Variants in ATP8A2 observed in about 807,000 individuals in gnomAD.
The protein encoded by ATP8A2 is phospholipid-transporting ATPase IB.
ATP8A2 carries 100 observed loss-of-function variants against 165.6 expected under a neutral mutation model. That is an observed-to-expected ratio of 0.60 (90% CI 0.51 to 0.71). The LOEUF is 0.71. Among genes scored for constraint, ATP8A2 ranks in the 30% least tolerant of loss-of-function variants. The pLI is 0.00. For synonymous variants in ATP8A2, 543 were observed against 548.8 expected, an observed-to-expected ratio of 0.99 and a Z score of 0.15; for missense variants, 1,227 against 1,479.5, an observed-to-expected ratio of 0.83 and a Z score of 2.80.
chr13:25,906,442 AG>A (rs1272699892), intron 33 of ATP8A2, among the ~76,000 whole-genome samples: 1 of 152,050 alleles, frequency 6.6e-6, no homozygotes, highest in Non-Finnish European at 1.5e-5. Flanking sequence ...CCAGTCTTCA[AG>A]GGTTTCCACA....
intron 24 of ATP8A2, among the ~76,000 whole-genome samples, chr13:25,654,482 C>T (rs566403942): frequency 1.7e-4 from 26 of 152,316 alleles, no homozygotes; most frequent in African/African-American, 6.0e-4. Context: ...GCTAGGATTA[C>T]AGGCGTGAGC....
At chr13:25,559,135 G>T in intron 14 of ATP8A2, 74 bp downstream of exon 14, 1 of 1,019,190 alleles carries the variant, frequency 9.8e-7, no homozygotes, top group Non-Finnish European at 1.5e-6. Flanking sequence ...TAGCTACTTA[G>T]TCAAATATCT....
At chr13:25,600,301 C>T (rs749190594) in intron 24 of ATP8A2, among the ~76,000 whole-genome samples, 33 of 152,168 alleles carry the variant, frequency 2.2e-4, no homozygotes, top group Non-Finnish European at 4.4e-4. Flanking sequence ...TTTGGAGTCT[C>T]TCATTCTCTC....
In ATP8A2 at chr13:25,465,663, T is replaced by TTTTCTTTC. The variant is rs1174243477; in HGVS notation, c.77-3245_77-3238dup. Among the ~76,000 whole-genome samples the TTTTCTTTC allele has an allele frequency of 2.0e-3, 174 of 86,440 alleles. 19 individuals carry two copies. The highest frequency in any genetic ancestry group is 3.7e-3 in the South Asian group (8 of 2,148). The allele number at this position is 86,440 out of a possible 152,430, so 56.7% of individuals were successfully genotyped here. A position where few individuals can be genotyped will look rare whatever the true frequency, so the allele number is the denominator to read the frequency against. On this transcript the variant is annotated intron_variant, in intron 1 of 36. Coordinates refer to ENST00000381655, the MANE Select transcript of ATP8A2 (RefSeq NM_016529.6). ...TCACCTCCCCAGAAATCTTGCAGAG[T>TTTTCTTTC]TTTCTTTCTTTCTTTCTTTCTTTCT...
At chr13:25,416,562 C>G (rs2034137933) in intron 1 of ATP8A2, among the ~76,000 whole-genome samples, 1 of 152,304 alleles carries the variant, frequency 6.6e-6, no homozygotes, top group South Asian at 2.1e-4. Flanking sequence ...CAAGTGCAGA[C>G]AGTTTGCATT....
chr13:25,758,070 C>A (rs547378397), intron 25 of ATP8A2, among the ~76,000 whole-genome samples: 3 of 152,308 alleles, frequency 2.0e-5, no homozygotes, highest in African/African-American at 7.2e-5. Flanking sequence ...TGGCTGTCCT[C>A]ATGTTAATTT....
chr13:25,416,328 A>T (rs899132554), intron 1 of ATP8A2, among the ~76,000 whole-genome samples: 14 of 152,232 alleles, frequency 9.2e-5, no homozygotes, highest in African/African-American at 3.4e-4. Context: ...GTTAAAACCC[A>T]TAAAACTGAA....
At chr13:25,679,163 G>A (rs1249062261) in intron 24 of ATP8A2, among the ~76,000 whole-genome samples, 1 of 152,188 alleles carries the variant, frequency 6.6e-6, no homozygotes, top group East Asian at 1.9e-4. Context: ...GGTTTGAATG[G>A]TTGAGAGAAT....
rs541248100 is a variant in ATP8A2 at position 25,913,555 on chromosome 13, A to G, written c.3184-48020A>G. 8.6e-4 allele frequency among the ~76,000 whole-genome samples: 131 copies of G among 152,252 alleles called. 1 individual carries two copies. The highest frequency in any genetic ancestry group is 3.0e-3 in the African/African-American group (126 of 41,568). ...TCACAAAGAAAAAGGTCTGATTTAT[A>G]CACCAGAGCGTGGGGTTCATGCCAC... On this transcript the variant is annotated intron_variant, in intron 33 of 36. Coordinates refer to ENST00000381655, the MANE Select transcript of ATP8A2 (RefSeq NM_016529.6).
chr13:26,016,593 C>T (rs1956980759), intron 36 of ATP8A2, among the ~76,000 whole-genome samples: 2 of 152,176 alleles, frequency 1.3e-5, no homozygotes, highest in African/African-American at 4.8e-5. Flanking sequence ...ATTCCAAAGG[C>T]TAAGATACCT....
rs552292470 is a variant in ATP8A2 at position 25,929,374 on chromosome 13, C to T, written c.3184-32201C>T. Among the ~76,000 whole-genome samples the T allele has an allele frequency of 1.4e-3, 206 of 152,214 alleles. 1 individual carries two copies. Among genetic ancestry groups the T allele is most frequent in the Non-Finnish European group, 2.3e-3 (158 of 68,018 alleles). On this transcript the variant is annotated intron_variant, in intron 33 of 36. Transcript: ENST00000381655. ...GGAAAGGTGGCCCACATGAGGGTGG[C>T]GGTGCTAAAGCACTGAAAGTCCTGG...
chr13:25,991,713 G>T (rs1400815279), intron 35 of ATP8A2, among the ~76,000 whole-genome samples: 2 of 152,198 alleles, frequency 1.3e-5, no homozygotes, highest in Non-Finnish European at 2.9e-5. Context: ...TCCACCCAAT[G>T]CATGTACCAC....
At chr13:25,572,919 A>G (rs1467324065) in intron 18 of ATP8A2, among the ~76,000 whole-genome samples, 1 of 152,250 alleles carries the variant, frequency 6.6e-6, no homozygotes, top group African/African-American at 2.4e-5. Flanking sequence ...CAAAACCTAT[A>G]AAATATCTTA....
In ATP8A2 at chr13:25,804,211, G is replaced by T. The variant is rs376414896; in HGVS notation, c.2680-23907G>T. Among the ~76,000 whole-genome samples the T allele has an allele frequency of 2.6e-3, 393 of 152,216 alleles. 1 individual carries two copies. The highest frequency in any genetic ancestry group is 9.0e-3 in the African/African-American group (375 of 41,532). On this transcript the variant is annotated intron_variant, in intron 27 of 36. Coordinates refer to ENST00000381655, the MANE Select transcript of ATP8A2 (RefSeq NM_016529.6). Reference sequence around the variant, plus strand: ...AATTAATAGTCATTTTCTGCTGGGGGTGGGGTAAGGAATGGCCGTTTTAAT... The same window carrying T: ...AATTAATAGTCATTTTCTGCTGGGGTTGGGGTAAGGAATGGCCGTTTTAAT...
At chr13:25,739,034 T>A (rs941083688) in intron 25 of ATP8A2, among the ~76,000 whole-genome samples, 7 of 152,208 alleles carry the variant, frequency 4.6e-5, no homozygotes, top group Non-Finnish European at 8.8e-5. Context: ...AGAGATATAT[T>A]GACAGTGAAG....
At chr13:25,466,705 C>T (rs965631637) in intron 1 of ATP8A2, among the ~76,000 whole-genome samples, 1 of 152,146 alleles carries the variant, frequency 6.6e-6, no homozygotes, top group Admixed American at 6.5e-5. Flanking sequence ...GGAACTAATA[C>T]ATTGTGGAAG....
Position 25,953,841 on chromosome 13 carries a change from A to G in ATP8A2, c.3184-7734A>G, listed in dbSNP as rs910993604. 1.3e-5 allele frequency among the ~76,000 whole-genome samples: 2 copies of G among 152,170 alleles called. No individual in the cohort carries two copies. The highest frequency in any genetic ancestry group is 3.9e-4 in the East Asian group (2 of 5,190). On this transcript the variant is annotated intron_variant, in intron 33 of 36. Coordinates refer to ENST00000381655, the MANE Select transcript of ATP8A2 (RefSeq NM_016529.6). This position sits in a 1 kb window ranked among gnomAD's most constrained non-coding sequence, Gnocchi z 6.7. ...CCGTCCCAGATACTATGCTTTTCCC[A>G]TGGTCTTCGCAAACTGCAGACCAGG...
intron 35 of ATP8A2, among the ~76,000 whole-genome samples, chr13:26,011,120 C>T (rs928614130): frequency 2.6e-5 from 4 of 152,144 alleles, no homozygotes; most frequent in Non-Finnish European, 2.9e-5. Flanking sequence ...TATCCCCTCA[C>T]GTTCCCACAA....
chr13:25,719,043 A>C (rs781528447), intron 25 of ATP8A2, among the ~76,000 whole-genome samples: 2 of 152,196 alleles, frequency 1.3e-5, no homozygotes, highest in Non-Finnish European at 2.9e-5. Flanking sequence ...ACCTACTGTG[A>C]AAAACTTACA....
Sources: gnomAD v4.1 joint callset for allele counts (sites outside exome capture counted in the v4.1 genomes callset) on GRCh38, gnomAD v4.1.1 for gene constraint, Gnocchi (gnomAD v3.1) non-coding constraint, MANE v1.5 for transcripts, NCBI Gene and HGNC (gene_info 2026-07-23, HGNC 2026-07-21) for gene names.